TMBIM6: variants seen among roughly 807,000 people sequenced by gnomAD.
The protein encoded by TMBIM6 is bax inhibitor 1.
A neutral mutation model predicts 31.4 loss-of-function variants in TMBIM6; 13 were observed. The observed-to-expected ratio is 0.41, with a 90% CI of 0.27 to 0.66. TMBIM6 has a LOEUF of 0.66. TMBIM6 is among the 30% of genes least tolerant of loss of function. The probability of loss-of-function intolerance (pLI) is 0.28; values close to 1 mark genes in which losing one functional copy is unlikely to be tolerated. For synonymous variants in TMBIM6, 85 were observed against 101.7 expected, an observed-to-expected ratio of 0.84 and a Z score of 0.99; for missense variants, 275 against 289.5, an observed-to-expected ratio of 0.95 and a Z score of 0.36.
At chr12:49,748,220 T>A (rs1020085427) in intron 1 of TMBIM6, among the ~76,000 whole-genome samples, 1 of 151,968 alleles carries the variant, frequency 6.6e-6, no homozygotes, top group Non-Finnish European at 1.5e-5. Context: ...TTTTGTTTTG[T>A]TTTGTTTTGT....
chr12:49,742,078 G>A (rs993201904), intron 1 of TMBIM6: 4 of 1,575,688 alleles, frequency 2.5e-6, no homozygotes, highest in East Asian at 4.6e-5. Context: ...CTTTGGTCGG[G>A]CTGACCCTGG....
intron 2 of TMBIM6, 148 bp from the exon 3 acceptor site, chr12:49,752,825 T>C (rs1945519805): frequency 2.5e-6 from 2 of 807,798 alleles, no homozygotes; most frequent in Non-Finnish European, 3.8e-6. Context: ...TTATTTTTTA[T>C]TGTAATATGC....
Position 49,755,685 on chromosome 12 carries a change from G to C in TMBIM6, c.216G>C (p.Met72Ile). Residue 72 changes from methionine to isoleucine, a missense_variant, in exon 4 of 10, where the codon ATG (methionine) becomes ATC (isoleucine). By Grantham distance (10) the Met-to-Ile change is conservative. Coordinates refer to ENST00000267115, the MANE Select transcript of TMBIM6 (RefSeq NM_003217.3). ...LGSLILMIWL[M>I]ATPHSHETEQ... Reference sequence around the variant, plus strand: ...CCCTGATATTGATGATTTGGCTGATGGCAACACCTCATAGCCATGAAACTG... The same window carrying C: ...CCCTGATATTGATGATTTGGCTGATCGCAACACCTCATAGCCATGAAACTG... 6.2e-7 allele frequency: 1 copy of C among 1,614,132 alleles called. No homozygotes were observed. The highest frequency in any genetic ancestry group is 1.3e-5 in the African/African-American group (1 of 75,044).
Position 49,761,791 on chromosome 12 carries a change from T to C in TMBIM6, c.690+12T>C. On this transcript the variant is annotated intron_variant, in intron 9 of 9. Coordinates refer to ENST00000267115, the MANE Select transcript of TMBIM6 (RefSeq NM_003217.3). ...CCATGAATGAAAAGGTTAGTTAGCC[T>C]ACAACCCAAAGATGAGACAATAATG... 1 of 1,613,614 alleles carries C rather than the reference T, an allele frequency of 6.2e-7. No individual in the cohort carries two copies. Among genetic ancestry groups the C allele is most frequent in the Non-Finnish European group, 8.5e-7 (1 of 1,179,528 alleles).
Position 49,763,510 on chromosome 12 carries a change from C to T in TMBIM6, c.*614C>T, listed in dbSNP as rs529039057. 6.6e-6 allele frequency: 1 copy of T among 152,416 alleles called. No homozygotes were observed. The highest frequency in any genetic ancestry group is 2.1e-4 in the South Asian group (1 of 4,834). The allele number at this position is 152,416 out of a possible 1,614,324, so 9.4% of individuals were successfully genotyped here. On this transcript the variant is annotated 3_prime_UTR_variant, in exon 10 of 10. Coordinates refer to ENST00000267115, the MANE Select transcript of TMBIM6 (RefSeq NM_003217.3). ...TTGCCTTCACAAAAGTAATGTGTTC[C>T]CTTTCCCACCCCTTGCCTGACCCTC...
chr12:49,761,648 G>A lies in TMBIM6; in HGVS notation c.615-56G>A, dbSNP rs911199801. The A allele has an allele frequency of 6.2e-5, 96 of 1,554,572 alleles. No individual in the cohort carries two copies. The South Asian group carries it at 1.0e-3, about 17-fold the overall frequency. On this transcript the variant is annotated intron_variant, in intron 8 of 9. Coordinates refer to ENST00000267115, the MANE Select transcript of TMBIM6 (RefSeq NM_003217.3). ...GGGGTTTATATTCTGCATCTTTGTG[G>A]GCTTGTGGATAAAAAAGTCTGAAGT...
chr12:49,764,896 T>C lies in TMBIM6; in HGVS notation c.*2000T>C, dbSNP rs994117586. On this transcript the variant is annotated 3_prime_UTR_variant, in exon 10 of 10. Coordinates refer to ENST00000267115, the MANE Select transcript of TMBIM6 (RefSeq NM_003217.3). ...TCAGAAATATATGAAATCTGCATAG[T>C]CTTAATTTGTAAAAAATAAAGAAAA... 6.6e-6 allele frequency: 1 copy of C among 152,168 alleles called. No individual in the cohort carries two copies. The highest frequency in any genetic ancestry group is 1.5e-5 in the Non-Finnish European group (1 of 68,030). The allele number at this position is 152,168 out of a possible 1,614,324, so 9.4% of individuals were successfully genotyped here.
rs1555144775 is a variant in TMBIM6 at position 49,764,721 on chromosome 12, A to AG, written c.*1825_*1826insG. ...GAATGACAAGATATTAAAAAAAAAA[A>AG]AGAAAGAAAAAAAAAAAAACACCTA... On this transcript the variant is annotated 3_prime_UTR_variant, in exon 10 of 10. Coordinates refer to ENST00000267115, the MANE Select transcript of TMBIM6 (RefSeq NM_003217.3). 8.5e-6 allele frequency: 1 copy of AG among 118,080 alleles called. No individual in the cohort carries two copies. Among genetic ancestry groups the AG allele is most frequent in the South Asian group, 2.4e-4 (1 of 4,246 alleles). 7.3% of individuals were successfully genotyped at this position (118,080 alleles called of 1,614,324 possible). A position where few individuals can be genotyped will look rare whatever the true frequency, so the allele number is the denominator to read the frequency against.
intron 1 of TMBIM6, among the ~76,000 whole-genome samples, chr12:49,748,375 C>T (rs1945435426): frequency 6.6e-6 from 1 of 152,216 alleles, no homozygotes; most frequent in Non-Finnish European, 1.5e-5. Context: ...CCCCTGCTGT[C>T]CCTGTCTTCC....
chr12:49,742,405 G>A (rs74590387), intron 1 of TMBIM6: 22,549 of 1,307,922 alleles, frequency 0.017, 296 homozygotes, highest in East Asian at 0.05. Context: ...TAACAAGTAG[G>A]CTTTGGTATC....
intron 3 of TMBIM6, among the ~76,000 whole-genome samples, chr12:49,755,103 G>A (rs750224629): frequency 4.6e-5 from 7 of 152,016 alleles, no homozygotes; most frequent in Non-Finnish European, 1.0e-4. Flanking sequence ...GATTACAGGC[G>A]TGTGCCACCA....
rs367607515 is a variant in TMBIM6 at position 49,758,680 on chromosome 12, T to C, written c.434-3T>C. 239 of 1,614,146 alleles carry C rather than the reference T, an allele frequency of 1.5e-4. 1 individual carries two copies. The African/African-American group carries it at 2.0e-3, about 13-fold the overall frequency. ...CAAGACAGCTTTTTGCTGTGTCTTA[T>C]AGGTATCTTGATGTCAGCCCTGAGC... On this transcript the variant is annotated splice_region_variant and splice_polypyrimidine_tract_variant and intron_variant, in intron 6 of 9. Coordinates refer to ENST00000267115, the MANE Select transcript of TMBIM6 (RefSeq NM_003217.3).
rs552475200 is a variant in TMBIM6 at position 49,754,383 on chromosome 12, T to A, written c.166-1252T>A. 1.1e-4 allele frequency among the ~76,000 whole-genome samples: 16 copies of A among 152,304 alleles called. No individual in the cohort carries two copies. In the East Asian group the frequency reaches 2.9e-3, roughly 28 times the overall value. On this transcript the variant is annotated intron_variant, in intron 3 of 9. Coordinates refer to ENST00000267115, the MANE Select transcript of TMBIM6 (RefSeq NM_003217.3). Reference sequence around the variant, plus strand: ...CGTAATGTGCCTTATGAAGAAAATGTGTATATTAGATAAGCTTCATTCCGG... The same window carrying A: ...CGTAATGTGCCTTATGAAGAAAATGAGTATATTAGATAAGCTTCATTCCGG...
At chr12:49,746,803 T>C (rs1287456988) in intron 1 of TMBIM6, among the ~76,000 whole-genome samples, 1 of 152,162 alleles carries the variant, frequency 6.6e-6, no homozygotes, top group Non-Finnish European at 1.5e-5. Context: ...AAAAAACTAC[T>C]GACAAATTAC....
chr12:49,754,850 T>C (rs574088019), intron 3 of TMBIM6, among the ~76,000 whole-genome samples: 20 of 152,352 alleles, frequency 1.3e-4, no homozygotes, highest in African/African-American at 4.3e-4. Flanking sequence ...TTTTAGAAAC[T>C]TCCATAATCC....
chr12:49,761,892 G>T lies in TMBIM6; in HGVS notation c.690+113G>T. 3 of 1,004,558 alleles carry T rather than the reference G, an allele frequency of 3.0e-6. No homozygotes were observed. In the South Asian group the frequency reaches 4.8e-5, roughly 16 times the overall value. The allele number at this position is 1,004,558 out of a possible 1,614,324, so 62.2% of individuals were successfully genotyped here. A position where few individuals can be genotyped will look rare whatever the true frequency, so the allele number is the denominator to read the frequency against. ...ACACTGTGTTAGGTCCAGGGTAACT[G>T]TAAGGCAGGCCACTGAGTAAGAGGT... On this transcript the variant is annotated intron_variant, in intron 9 of 9. Coordinates refer to ENST00000267115, the MANE Select transcript of TMBIM6 (RefSeq NM_003217.3).
chr12:49,764,392 A>G lies in TMBIM6; in HGVS notation c.*1496A>G, dbSNP rs1396947100. 1.3e-5 allele frequency: 2 copies of G among 152,198 alleles called. No individual in the cohort carries two copies. 9.4% of individuals were successfully genotyped at this position (152,198 alleles called of 1,614,324 possible). A position where few individuals can be genotyped will look rare whatever the true frequency, so the allele number is the denominator to read the frequency against. The stretch of plus-strand genomic sequence containing the variant: ...AGTGGCCTCAGGTTCACAGTGCACC[A>G]TGTCACTGTGCTATCCTACGAAATC... On this transcript the variant is annotated 3_prime_UTR_variant, in exon 10 of 10. Coordinates refer to ENST00000267115, the MANE Select transcript of TMBIM6 (RefSeq NM_003217.3).
chr12:49,746,088 T>TTTTTTTTTTTTTTTTTTTTA (rs1945387636), intron 1 of TMBIM6, among the ~76,000 whole-genome samples: 1 of 151,552 alleles, frequency 6.6e-6, no homozygotes. Flanking sequence ...CTCTTTTTTT[T>TTTTTTTTTTTTTTTTTTTTA]TTTTTCTTTT....
intron 1 of TMBIM6, chr12:49,744,651 T>G (rs183422018): frequency 6.6e-6 from 1 of 152,156 alleles, no homozygotes; most frequent in African/African-American, 2.4e-5. Flanking sequence ...GCTTAAATCT[T>G]GGGGATAGCT....
Sources: gnomAD v4.1 joint callset for allele counts (sites outside exome capture counted in the v4.1 genomes callset) on GRCh38, gnomAD v4.1.1 for gene constraint, MANE v1.5 for transcripts, NCBI Gene and HGNC (gene_info 2026-07-23, HGNC 2026-07-21) for gene names.